Variants in MCF2 observed in about 807,000 individuals in gnomAD.
MCF2 encodes MCF.2 cell line derived transforming sequence.
Under a neutral mutation model 82.5 loss-of-function variants are expected in MCF2, and 44 were observed. The observed-to-expected ratio is 0.53, with a 90% CI of 0.42 to 0.69. The LOEUF (loss-of-function observed/expected upper bound fraction) is 0.69. Ranked by LOEUF, MCF2 falls within the 30% of genes least tolerant of loss-of-function variation. The probability of loss-of-function intolerance (pLI) is 0.00; values close to 1 mark genes in which losing one functional copy is unlikely to be tolerated. For synonymous variants in MCF2, 217 were observed against 224.9 expected (o/e 0.96, Z 0.32); for missense variants, 623 against 663.1 (o/e 0.94, Z 0.66).
chrX:139,661,917 C>T (rs1934367301), intron 1 of MCF2, among the ~76,000 whole-genome samples: 1 of 112,055 alleles, frequency 8.9e-6, no homozygotes, highest in Non-Finnish European at 1.9e-5. Flanking sequence ...GAGTCCACCT[C>T]ATAAACCATC....
intron 15 of MCF2, 64 bp downstream of exon 19, chrX:139,604,617 T>G: frequency 1.4e-6 from 1 of 729,657 alleles, no homozygotes; most frequent in Non-Finnish European, 2.0e-6. Context: ...AAATCTGTTC[T>G]TATAAGTGAG....
intron 19 of MCF2, among the ~76,000 whole-genome samples, chrX:139,593,937 A>G (rs1451211925): frequency 6.3e-5 from 7 of 111,134 alleles, no homozygotes; most frequent in Non-Finnish European, 1.1e-4. Context: ...AATAACAGAC[A>G]AACAGAGAGC....
At chrX:139,706,504 A>G (rs1935592209) in intron 1 of MCF2, among the ~76,000 whole-genome samples, 1 of 111,386 alleles carries the variant, frequency 9.0e-6, no homozygotes, top group South Asian at 3.9e-4. Context: ...GAAGGGAGCT[A>G]AGCATTGAGC....
At chrX:139,606,833 G>T (rs1384897177) in intron 12 of MCF2, among the ~76,000 whole-genome samples, 1 of 109,650 alleles carries the variant, frequency 9.1e-6, no homozygotes, top group Non-Finnish European at 1.9e-5. Context: ...GCATATTAAA[G>T]CATTTAACAT....
In MCF2 at chrX:139,607,907, A is replaced by T. The variant is rs1436274938; in HGVS notation, c.1402-128T>A. 6.8e-6 allele frequency: 3 copies of T among 443,805 alleles called. No homozygotes were observed. The African/African-American group carries it at 7.5e-5, about 11-fold the overall frequency. 36.6% of individuals were successfully genotyped at this position (443,805 alleles called of 1,213,427 possible). A position where few individuals can be genotyped will look rare whatever the true frequency, so the allele number is the denominator to read the frequency against. ...AGATAAATTGAAAAATAAAACTATGATTTTTTTCAAAATAACTTTGATACG... is the reference window on the plus strand; with the variant it reads ...AGATAAATTGAAAAATAAAACTATGTTTTTTTTCAAAATAACTTTGATACG... On this transcript the variant is annotated intron_variant, in intron 11 of 24. Coordinates refer to ENST00000370576, the Ensembl canonical transcript of MCF2.
intron 1 of MCF2, among the ~76,000 whole-genome samples, chrX:139,651,999 A>C (rs763590801): frequency 9.0e-6 from 1 of 111,294 alleles, no homozygotes; most frequent in African/African-American, 3.3e-5. Flanking sequence ...CCAGTGACCT[A>C]CTTCTCAGAA....
intron 8 of MCF2, among the ~76,000 whole-genome samples, chrX:139,616,715 A>G (rs752266222): frequency 5.4e-5 from 6 of 111,095 alleles, no homozygotes; most frequent in Non-Finnish European, 1.1e-4. Flanking sequence ...TACACAGCCG[A>G]GGTTGGGAAA....
At chrX:139,620,536 T>C (rs1295265098) in intron 6 of MCF2, among the ~76,000 whole-genome samples, 1 of 111,645 alleles carries the variant, frequency 9.0e-6, no homozygotes, top group East Asian at 2.8e-4. Flanking sequence ...AAAATCAATG[T>C]ACAAAAATCA....
chrX:139,587,026 C>T (rs972010768), intron 22 of MCF2, among the ~76,000 whole-genome samples: 1 of 111,796 alleles, frequency 8.9e-6, no homozygotes, highest in African/African-American at 3.3e-5. Flanking sequence ...ATTTTAGCTA[C>T]CTCAGAAAGA....
At chrX:139,637,545 C>T (rs971988517) in intron 1 of MCF2, among the ~76,000 whole-genome samples, 19 of 111,398 alleles carry the variant, frequency 1.7e-4, no homozygotes, top group African/African-American at 6.2e-4. Context: ...TTCAGGACCT[C>T]TCAAAGCTTT....
chrX:139,642,530 G>T, exon 1 of MCF2: 1 of 1,210,393 alleles, frequency 8.3e-7, no homozygotes, highest in Non-Finnish European at 1.1e-6. Context: ...TCGCCTGTAC[G>T]CAATTACACT....
chrX:139,670,488 G>C (rs1234155828), intron 1 of MCF2, among the ~76,000 whole-genome samples: 1 of 109,933 alleles, frequency 9.1e-6, no homozygotes, highest in African/African-American at 3.3e-5. Context: ...ACAGGCCCCG[G>C]GGTGTGATGT....
intron 4 of MCF2, among the ~76,000 whole-genome samples, 163 bp downstream of exon 7, chrX:139,629,532 A>G (rs1932852539): frequency 8.9e-6 from 1 of 111,992 alleles, no homozygotes; most frequent in Non-Finnish European, 1.9e-5. Flanking sequence ...CATATCCAGG[A>G]CAGTCTTCTC....
intron 1 of MCF2, among the ~76,000 whole-genome samples, chrX:139,700,027 T>C (rs1935457947): frequency 9.0e-6 from 1 of 111,499 alleles, no homozygotes; most frequent in Admixed American, 9.6e-5. Context: ...CCTAGTCATT[T>C]ATGTGTTCTT....
chrX:139,680,580 C>T (rs1934975955), intron 1 of MCF2, among the ~76,000 whole-genome samples: 1 of 112,013 alleles, frequency 8.9e-6, no homozygotes, highest in African/African-American at 3.2e-5. Context: ...CCACAGCCAC[C>T]ACTAAATATT....
At chrX:139,649,720 C>G (rs1933927643) in intron 2 of MCF2, among the ~76,000 whole-genome samples, 1 of 111,597 alleles carries the variant, frequency 9.0e-6, no homozygotes, top group East Asian at 2.8e-4. Flanking sequence ...CATTGGGAAC[C>G]CTTTCTTCAA....
At chrX:139,692,423 G>C (rs1935294342) in intron 1 of MCF2, among the ~76,000 whole-genome samples, 1 of 111,188 alleles carries the variant, frequency 9.0e-6, no homozygotes, top group Non-Finnish European at 1.9e-5. Flanking sequence ...GGGCTCTGGC[G>C]GAGCGCTCTG....
chrX:139,611,684 C>T (rs1176196617), intron 10 of MCF2, among the ~76,000 whole-genome samples: 3 of 111,740 alleles, frequency 2.7e-5, no homozygotes, highest in African/African-American at 9.8e-5. Context: ...ACAGTTTCTG[C>T]CCTTACAGAG....
intron 20 of MCF2, among the ~76,000 whole-genome samples, chrX:139,588,879 G>T (rs1406806878): frequency 1.9e-5 from 2 of 107,546 alleles, no homozygotes; most frequent in Non-Finnish European, 3.8e-5. Flanking sequence ...GAAGTGAGCC[G>T]AGATCACACC....
Sources: gnomAD v4.1 joint callset for allele counts (sites outside exome capture counted in the v4.1 genomes callset) on GRCh38, gnomAD v4.1.1 for gene constraint, MANE v1.5 for transcripts, NCBI Gene and HGNC (gene_info 2026-07-23, HGNC 2026-07-21) for gene names.